SEC23A: variants seen among roughly 807,000 people sequenced by gnomAD.
SEC23A encodes the protein protein transport protein Sec23A.
In SEC23A, 56 loss-of-function variants were observed where a neutral mutation model predicts 103.7. The observed-to-expected ratio is 0.54, with a 90% CI of 0.44 to 0.67. SEC23A has a LOEUF of 0.67. Ranked by LOEUF, SEC23A falls within the 30% of genes least tolerant of loss-of-function variation. SEC23A has a pLI of 0.00. For missense variants in SEC23A, 784 were observed against 936.4 expected, an observed-to-expected ratio of 0.84 and a Z score of 2.12; for synonymous variants, 281 against 293.0, an observed-to-expected ratio of 0.96 and a Z score of 0.42.
At chr14:39,073,599 T>C (rs892636450) in intron 9 of SEC23A, among the ~76,000 whole-genome samples, 9 of 141,392 alleles carry the variant, frequency 6.4e-5, no homozygotes, top group African/African-American at 2.3e-4. Flanking sequence ...CGGCTCTGAT[T>C]CCTCTTTTTT....
rs561163186 is a variant in SEC23A, at chr14:39,067,445, A to C, written c.1104-149T>G. On this transcript the variant is annotated intron_variant, in intron 9 of 19. Coordinates refer to ENST00000307712, the MANE Select transcript of SEC23A (RefSeq NM_006364.4). ...CTGTATTACTAATTTTTAATATTCA[A>C]ATATATATGAGAATATCCTCACCCC... is the stretch of plus-strand genomic sequence containing the variant. The C allele has an allele frequency of 5.8e-4, 463 of 800,278 alleles. 6 individuals are homozygous for C. In the South Asian group the frequency reaches 7.8e-3, roughly 13 times the overall value. The allele number at this position is 800,278 out of a possible 1,614,324, so 49.6% of individuals were successfully genotyped here.
chr14:39,085,523 T>C (rs1336891356), intron 7 of SEC23A, among the ~76,000 whole-genome samples: 2 of 152,098 alleles, frequency 1.3e-5, no homozygotes, highest in Non-Finnish European at 2.9e-5. Flanking sequence ...TCCAGTTAGA[T>C]AGTATCAGAA....
chr14:39,098,353 C>T (rs949172060), intron 1 of SEC23A, among the ~76,000 whole-genome samples: 1 of 152,064 alleles, frequency 6.6e-6, no homozygotes, highest in Non-Finnish European at 1.5e-5. Context: ...AATTCTAAGA[C>T]TATGCAAACC....
chr14:39,057,201 C>G (rs1213911389), intron 13 of SEC23A, among the ~76,000 whole-genome samples: 1 of 151,868 alleles, frequency 6.6e-6, no homozygotes, highest in Non-Finnish European at 1.5e-5. Flanking sequence ...ATAATCCCAG[C>G]TACTCTGGAG....
chr14:39,062,017 T>C (rs946241941), intron 12 of SEC23A, 146 bp from the exon 13 acceptor site: 8 of 655,194 alleles, frequency 1.2e-5, no homozygotes, highest in Non-Finnish European at 1.9e-5. Flanking sequence ...AAAACAGTTA[T>C]AATTTGTTAC....
chr14:39,096,889 T>TG (rs1389983445), intron 1 of SEC23A, among the ~76,000 whole-genome samples: 1 of 152,202 alleles, frequency 6.6e-6, no homozygotes, highest in Non-Finnish European at 1.5e-5. Flanking sequence ...AAGAGAATGT[T>TG]TAATGGTATG....
At chr14:39,056,593 G>C (rs536133336) in intron 13 of SEC23A, among the ~76,000 whole-genome samples, 1 of 151,444 alleles carries the variant, frequency 6.6e-6, no homozygotes, top group African/African-American at 2.4e-5. Flanking sequence ...CTGTGCCTCA[G>C]CCTCCTGAGT....
At chr14:39,092,933 G>C in intron 3 of SEC23A, 1 of 473,942 alleles carries the variant, frequency 2.1e-6, no homozygotes, top group Non-Finnish European at 3.8e-6. Flanking sequence ...GTGCAATCTC[G>C]GCTCACTGCA....
intron 7 of SEC23A, among the ~76,000 whole-genome samples, chr14:39,077,227 CAAAAAAAAAAAAAAAA>C (rs57549556): frequency 1.4e-4 from 5 of 36,472 alleles, no homozygotes; most frequent in East Asian, 9.9e-4. Context: ...GACTCCATCT[CAAAAAAAAAAAAAAAA>C]AAAAAAAAAA....
chr14:39,076,046 A>ACCGCAGGG lies in SEC23A; in HGVS notation c.875_876insCCCTGCGG (p.Thr295ValfsTer15). ...CCATTCCAGGCCCCTGAGTAGCAGG[A>ACCGCAGGG]CCACCAATGAACATCATGATACGAG... On this transcript the variant is annotated frameshift_variant, in exon 8 of 20. Transcript: ENST00000307712. LOFTEE classifies it high-confidence loss of function. 3 of 1,613,838 alleles carry ACCGCAGGG rather than the reference A, an allele frequency of 1.9e-6. No individual in the cohort carries two copies. The highest frequency in any genetic ancestry group is 2.5e-6 in the Non-Finnish European group (3 of 1,179,848).
At chr14:39,073,483 A>G (rs982597881) in intron 9 of SEC23A, among the ~76,000 whole-genome samples, 6 of 151,502 alleles carry the variant, frequency 4.0e-5, no homozygotes, top group Non-Finnish European at 7.4e-5. Context: ...TAGTAGAGAC[A>G]GGGTTTCACC....
chr14:39,058,286 ATTTTTTT>A lies in SEC23A; in HGVS notation c.1506-2997_1506-2991del, dbSNP rs376125773. On this transcript the variant is annotated intron_variant, in intron 13 of 19. Coordinates refer to ENST00000307712, the MANE Select transcript of SEC23A (RefSeq NM_006364.4). ...TAAAATTCTTCTCCCTTCTTTCTGT[ATTTTTTT>A]TTTTTTTTAATTTTTTTTATTTTTT... 4.2e-5 allele frequency among the ~76,000 whole-genome samples: 6 copies of A among 144,464 alleles called. No individual in the cohort carries two copies. The South Asian group carries it at 8.8e-4, about 21-fold the overall frequency. 94.8% of individuals were successfully genotyped at this position (144,464 alleles called of 152,430 possible). A position where few individuals can be genotyped will look rare whatever the true frequency, so the allele number is the denominator to read the frequency against.
intron 7 of SEC23A, among the ~76,000 whole-genome samples, chr14:39,077,408 T>G (rs947540350): frequency 4.0e-5 from 6 of 151,492 alleles, no homozygotes; most frequent in African/African-American, 7.3e-5. Flanking sequence ...CCGGGCATGG[T>G]GGCGGGCGCC....
At position 39,074,715 on chromosome 14, in the gene SEC23A, A is replaced by G. The variant is rs556373654; in HGVS notation, c.988-185T>C. On this transcript the variant is annotated intron_variant, in intron 8 of 19. Coordinates refer to ENST00000307712, the MANE Select transcript of SEC23A (RefSeq NM_006364.4). ...ACTTCTGTGAGTCTGACATTTTCAC[A>G]TTTTCCTTGAAAGCCACTCTTTCTA... Among the ~76,000 whole-genome samples the G allele has an allele frequency of 2.0e-5, 3 of 152,302 alleles. No homozygotes were observed. In the South Asian group the frequency reaches 6.2e-4, roughly 32 times the overall value.
At chr14:39,063,799 A>G (rs1886558336) in intron 11 of SEC23A, among the ~76,000 whole-genome samples, 1 of 151,992 alleles carries the variant, frequency 6.6e-6, no homozygotes, top group Non-Finnish European at 1.5e-5. Flanking sequence ...GATGGAGACC[A>G]TCCTGGCTAA....
At position 39,042,748 on chromosome 14, in the gene SEC23A, CT is replaced by C. The variant is rs3837584; in HGVS notation, c.1986+37del. The C allele has an allele frequency of 0.25, 325,003 of 1,317,144 alleles. 42,253 individuals carry two copies. Among genetic ancestry groups the C allele is most frequent in the Middle Eastern group, 0.35 (1,952 of 5,502 alleles). The allele number at this position is 1,317,144 out of a possible 1,614,324, so 81.6% of individuals were successfully genotyped here. ...AAGAAAACCTTTCTAAGTAAAAAGA[CT>C]TTACATGCATAGCTTTAAATGCTAT... On this transcript the variant is annotated intron_variant, in intron 17 of 19. Transcript: ENST00000307712.
intron 15 of SEC23A, among the ~76,000 whole-genome samples, chr14:39,047,881 T>G (rs1416954192): frequency 1.3e-5 from 2 of 152,214 alleles, no homozygotes; most frequent in Non-Finnish European, 2.9e-5. Flanking sequence ...GATGGAGGGA[T>G]AGATTCCACT....
intron 13 of SEC23A, among the ~76,000 whole-genome samples, chr14:39,055,691 C>A (rs1395702547): frequency 6.6e-6 from 1 of 152,190 alleles, no homozygotes; most frequent in African/African-American, 2.4e-5. Flanking sequence ...CAGTAACAGG[C>A]AAAGCCCAGA....
rs186969185 is a variant in SEC23A, at chr14:39,100,699, C to G, written c.-22+2333G>C. ...AAGTGCTGGGATTACAGGTGTGAGC[C>G]ACCATGCCCAGCCACAAACTAGCTT... On this transcript the variant is annotated intron_variant, in intron 1 of 19. Transcript: ENST00000307712. 4.5e-3 allele frequency among the ~76,000 whole-genome samples: 682 copies of G among 150,442 alleles called. 7 individuals carry two copies. Among genetic ancestry groups the G allele is most frequent in the African/African-American group, 0.016 (656 of 40,932 alleles).
Sources: allele counts gnomAD v4.1 joint callset (sites outside exome capture counted in the v4.1 genomes callset), GRCh38; gene constraint gnomAD v4.1.1; transcripts MANE v1.5; gene names NCBI Gene and HGNC (gene_info 2026-07-23, HGNC 2026-07-21).